The following RELN variants were observed in gnomAD, a reference collection of about 807,000 sequenced individuals.
The protein encoded by RELN is reelin.
In RELN, 108 loss-of-function variants were observed where a neutral mutation model predicts 427.6. That is an observed-to-expected ratio of 0.25 (90% confidence interval 0.22 to 0.30). The LOEUF is 0.30. RELN is among the 10% of genes least tolerant of loss of function. The pLI is 1.00. For synonymous variants in RELN, 1,524 were observed against 1,513.4 expected, an observed-to-expected ratio of 1.01 and a Z score of -0.16; for missense variants, 3,715 against 4,302.8, an observed-to-expected ratio of 0.86 and a Z score of 3.82.
rs1340662654 is a variant in RELN at position 103,697,897 on chromosome 7, C to A, written c.1099G>T (p.Val367Leu). Residue 367 changes from valine to leucine, a missense_variant, in exon 10 of 65, where the codon GTG becomes TTG. Physicochemically the swap from Val to Leu is conservative, Grantham distance 32 (BLOSUM62 1). Around this residue, in one of 4 missense-constraint regions of RELN, gnomAD observed 2,208 missense variants for 2,361.7 expected, o/e 0.93. Transcript: ENST00000428762. Reference protein sequence around the residue: ...QVVLEDSLDPVDTGNWLFFPG... With the variant: ...QVVLEDSLDPLDTGNWLFFPG... ...AAGAAAAGCCAGTTGCCTGTGTCCACTGGGTCGAGACTATCTTCTAAAACG... is the reference window on the plus strand; with the variant it reads ...AAGAAAAGCCAGTTGCCTGTGTCCAATGGGTCGAGACTATCTTCTAAAACG... 3 of 1,613,752 alleles carry A rather than the reference C, an allele frequency of 1.9e-6. No individual in the cohort carries two copies. In the East Asian group the frequency reaches 6.7e-5, roughly 36 times the overall value.
chr7:103,867,043 C>T (rs572847525), intron 2 of RELN, among the ~76,000 whole-genome samples: 2 of 152,148 alleles, frequency 1.3e-5, no homozygotes, highest in East Asian at 3.9e-4. Context: ...TAACCCTAAC[C>T]AAAAATGAGA....
intron 11 of RELN, among the ~76,000 whole-genome samples, chr7:103,673,061 A>G (rs978068697): frequency 3.3e-5 from 5 of 152,094 alleles, no homozygotes; most frequent in African/African-American, 1.2e-4. Flanking sequence ...CTTATTTTTC[A>G]AAACTTACTG....
At chr7:103,616,929 C>A (rs867760569) in intron 20 of RELN, among the ~76,000 whole-genome samples, 1 of 152,112 alleles carries the variant, frequency 6.6e-6, no homozygotes, top group African/African-American at 2.4e-5. Context: ...AAAGCAGATT[C>A]CTTCGTTAAA....
intron 1 of RELN, among the ~76,000 whole-genome samples, chr7:103,949,799 C>T (rs1218697382): frequency 2.0e-5 from 3 of 152,082 alleles, no homozygotes; most frequent in Admixed American, 1.3e-4. Context: ...GAACAGTTTC[C>T]TTCCTACTCT....
At chr7:103,658,999 T>C (rs1280747344) in intron 12 of RELN, among the ~76,000 whole-genome samples, 2 of 151,742 alleles carry the variant, frequency 1.3e-5, no homozygotes, top group East Asian at 3.9e-4. Flanking sequence ...CCCTAAGAAT[T>C]GTTTGTCTTA....
chr7:103,872,133 T>G (rs1174472458), intron 2 of RELN, among the ~76,000 whole-genome samples: 2 of 142,578 alleles, frequency 1.4e-5, no homozygotes, highest in Non-Finnish European at 3.1e-5. Flanking sequence ...TACATATGTA[T>G]ACATGTGCCA....
At chr7:103,604,319 C>T (rs1831759116) in intron 23 of RELN, 27 bp downstream of exon 23, 13 of 1,613,354 alleles carry the variant, frequency 8.1e-6, no homozygotes, top group Middle Eastern at 1.7e-4. Flanking sequence ...GAAGCATGGA[C>T]CTCATCGTGC....
chr7:103,522,977 C>T (rs1209077298), intron 47 of RELN, among the ~76,000 whole-genome samples: 1 of 152,144 alleles, frequency 6.6e-6, no homozygotes, highest in African/African-American at 2.4e-5. Context: ...AGGCAAACAA[C>T]ATAGCAATAT....
At chr7:103,743,565 A>G (rs1028538275) in intron 6 of RELN, among the ~76,000 whole-genome samples, 1 of 152,216 alleles carries the variant, frequency 6.6e-6, no homozygotes, top group Admixed American at 6.5e-5. Flanking sequence ...GGGATGGAGG[A>G]AGATCTACCA....
At chr7:103,606,134 A>C (rs1831813824) in intron 22 of RELN, among the ~76,000 whole-genome samples, 1 of 152,202 alleles carries the variant, frequency 6.6e-6, no homozygotes, top group Admixed American at 6.5e-5. Context: ...TGTCATCCTG[A>C]AAAGGAAAGC....
intron 1 of RELN, among the ~76,000 whole-genome samples, chr7:103,929,930 T>C (rs1363360976): frequency 6.6e-6 from 1 of 152,184 alleles, no homozygotes; most frequent in African/African-American, 2.4e-5. Flanking sequence ...GATTTTGAGG[T>C]CACAAATACA....
At chr7:103,493,898 T>A (rs986944088) in intron 57 of RELN, among the ~76,000 whole-genome samples, 18 of 152,192 alleles carry the variant, frequency 1.2e-4, no homozygotes, top group Middle Eastern at 3.2e-3. Context: ...TTACTAAATT[T>A]TTGAGGATAG....
chr7:103,508,217 C>T (rs1451567058), intron 51 of RELN, among the ~76,000 whole-genome samples: 2 of 152,134 alleles, frequency 1.3e-5, no homozygotes, highest in Non-Finnish European at 1.5e-5. Flanking sequence ...CAAAACCTGG[C>T]AGAGACACCA....
intron 2 of RELN, among the ~76,000 whole-genome samples, chr7:103,865,132 CAAAAAAAA>C (rs386410871): frequency 7.9e-4 from 53 of 67,208 alleles, no homozygotes; most frequent in African/African-American, 2.5e-3. Flanking sequence ...GAAACTGTCT[CAAAAAAAA>C]AAAAAAAAAA....
In RELN at chr7:103,491,860, A is replaced by T. The variant is rs113372034; in HGVS notation, c.9443+93T>A. 3.2e-3 allele frequency: 1,094 copies of T among 342,014 alleles called. 2 individuals are homozygous for T. Among genetic ancestry groups the T allele is most frequent in the African/African-American group, 0.017 (456 of 26,536 alleles). The allele number at this position is 342,014 out of a possible 1,614,324, so 21.2% of individuals were successfully genotyped here. A position where few individuals can be genotyped will look rare whatever the true frequency, so the allele number is the denominator to read the frequency against. On this transcript the variant is annotated intron_variant, in intron 58 of 64. Transcript: ENST00000428762. ...CTCTCTCTCTCTCTCTCTCTCTCAC[A>T]CACACACACACACACACACACACAC...
chr7:103,952,760 C>T (rs903666121), intron 1 of RELN, among the ~76,000 whole-genome samples: 16 of 152,188 alleles, frequency 1.1e-4, no homozygotes, highest in African/African-American at 2.2e-4. Context: ...TTCAAAAGGT[C>T]GGGAAATTGC....
At position 103,565,445 on chromosome 7, in the gene RELN, A is replaced by C; in HGVS notation, c.5043T>G (p.Ser1681Arg). 6.2e-7 allele frequency: 1 copy of C among 1,614,002 alleles called. No homozygotes were observed. Among genetic ancestry groups the C allele is most frequent in the African/African-American group, 1.3e-5 (1 of 75,042 alleles). The part of the protein sequence containing the change: ...GCSKPFSNSH[S>R]VQLQYSLNNG... ...TGTTCAGAGAATACTGGAGCTGTACACTGTGGGAGTTGCTGAAGGGCTTGC... is the reference window on the plus strand; with the variant it reads ...TGTTCAGAGAATACTGGAGCTGTACCCTGTGGGAGTTGCTGAAGGGCTTGC... Residue 1681 changes from serine to arginine, a missense_variant, in exon 34 of 65, where the codon AGT becomes AGG. Physicochemically the swap from Ser to Arg is moderately radical, Grantham distance 110 (BLOSUM62 -1). Transcript: ENST00000428762.
chr7:103,610,673 A>G (rs769254113), intron 22 of RELN, 22 bp downstream of exon 22: 5 of 1,118,212 alleles, frequency 4.5e-6, no homozygotes, highest in Admixed American at 3.4e-5. Flanking sequence ...AGTGACAGCC[A>G]TATCTAAAGA....
chr7:103,808,385 C>T (rs562326494), intron 3 of RELN, among the ~76,000 whole-genome samples: 32 of 151,824 alleles, frequency 2.1e-4, no homozygotes, highest in African/African-American at 6.5e-4. Context: ...ATGTTGCGCA[C>T]GTGTACCCTA....
Sources: allele counts gnomAD v4.1 joint callset (sites outside exome capture counted in the v4.1 genomes callset), GRCh38; gene constraint gnomAD v4.1.1; regional missense constraint gnomAD v4.1.1; transcripts MANE v1.5; gene names NCBI Gene and HGNC (gene_info 2026-07-23, HGNC 2026-07-21).